LYST: variants seen among roughly 807,000 people sequenced by gnomAD.
LYST encodes lysosomal trafficking regulator, also known as lysosomal-trafficking regulator.
LYST carries 192 observed loss-of-function variants against 413.6 expected under a neutral mutation model. That is an observed-to-expected ratio of 0.46 (90% CI 0.41 to 0.52). The LOEUF is 0.52. LYST is among the 20% of genes least tolerant of loss of function. LYST has a pLI of 0.00. For synonymous variants in LYST, 1,525 were observed against 1,567.3 expected (o/e 0.97, Z 0.64); for missense variants, 3,815 against 4,499.9 (o/e 0.85, Z 4.35).
At position 235,662,096 on chromosome 1, in the gene LYST, T is replaced by C. The variant is rs1382141493; in HGVS notation, c.*844A>G. Reference sequence around the variant, plus strand: ...ATACCCATGCAAACTTCTTGCATACTGAAGGCTTTCTATTGCAAATTGGTA... The same window carrying C: ...ATACCCATGCAAACTTCTTGCATACCGAAGGCTTTCTATTGCAAATTGGTA... On this transcript the variant is annotated 3_prime_UTR_variant, in exon 53 of 53. Coordinates refer to ENST00000389793, the MANE Select transcript of LYST (RefSeq NM_000081.4). 2 of 152,254 alleles carry C rather than the reference T, an allele frequency of 1.3e-5. No homozygotes were observed. Among genetic ancestry groups the C allele is most frequent in the Non-Finnish European group, 2.9e-5 (2 of 68,044 alleles). 9.4% of individuals were successfully genotyped at this position (152,254 alleles called of 1,614,324 possible).
chr1:235,689,586 GT>G (rs34445424), intron 47 of LYST, among the ~76,000 whole-genome samples: 3,960 of 152,286 alleles, frequency 0.026, 93 homozygotes, highest in South Asian at 0.088. Flanking sequence ...GTAGAGGATG[GT>G]GACTACTGTT....
At chr1:235,712,393 T>C (rs928344442) in intron 42 of LYST, 196 bp from the exon 43 acceptor site, 2 of 514,616 alleles carry the variant, frequency 3.9e-6, no homozygotes, top group Middle Eastern at 5.6e-4. Flanking sequence ...ACATTTTTCA[T>C]CTGTATTATG....
chr1:235,774,302 T>C (rs1006460649), intron 18 of LYST, among the ~76,000 whole-genome samples: 2 of 152,302 alleles, frequency 1.3e-5, no homozygotes, highest in East Asian at 3.9e-4. Flanking sequence ...AAAAAAGTAG[T>C]AAGGATTCAT....
At chr1:235,826,374 A>G (rs888899037) in intron 3 of LYST, among the ~76,000 whole-genome samples, 4 of 152,246 alleles carry the variant, frequency 2.6e-5, no homozygotes, top group African/African-American at 7.2e-5. Flanking sequence ...ATACAGCTCA[A>G]AAGATTAAAC....
rs1272059165 is a variant in LYST at position 235,662,696 on chromosome 1, G to A, written c.*244C>T. ...AATATCATTTTAATGTACCATGCGA[G>A]GCTTAAAACTTGTTGGCTAGTGCAT... is the stretch of plus-strand genomic sequence containing the variant. On this transcript the variant is annotated 3_prime_UTR_variant, in exon 53 of 53. Transcript: ENST00000389793. The A allele has an allele frequency of 3.7e-6, 2 of 545,402 alleles. No individual in the cohort carries two copies. The highest frequency in any genetic ancestry group is 5.9e-5 in the Admixed American group (2 of 33,640). The allele number at this position is 545,402 out of a possible 1,614,324, so 33.8% of individuals were successfully genotyped here. A position where few individuals can be genotyped will look rare whatever the true frequency, so the allele number is the denominator to read the frequency against.
chr1:235,733,586 G>T lies in LYST; in HGVS notation c.8718C>A (p.Ile2906=). 6 of 1,613,722 alleles carry T rather than the reference G, an allele frequency of 3.7e-6. No individual in the cohort carries two copies. Among genetic ancestry groups the T allele is most frequent in the Non-Finnish European group, 2.5e-6 (3 of 1,179,782 alleles). ...LSQGNERKKV[I]QHIRGMYKVD... ...CTTTATACATTCCTCTAATATGCTG[G>T]ATCACCTTTTTTCTCTCATTTCCTT... is the stretch of plus-strand genomic sequence containing the variant. Residue 2906 remains isoleucine, a synonymous_variant, in exon 34 of 53, where the codon ATC becomes ATA. Coordinates refer to ENST00000389793, the MANE Select transcript of LYST (RefSeq NM_000081.4).
intron 47 of LYST, among the ~76,000 whole-genome samples, chr1:235,687,365 G>T (rs1660303969): frequency 6.6e-6 from 1 of 152,148 alleles, no homozygotes; most frequent in Non-Finnish European, 1.5e-5. Flanking sequence ...ATTCAGGATT[G>T]ATTAAATCCA....
chr1:235,755,080 CAAAAAAAAAAAA>C lies in LYST; in HGVS notation c.7229+386_7229+397del, dbSNP rs763926458. 3.1e-4 allele frequency among the ~76,000 whole-genome samples: 9 copies of C among 29,008 alleles called. 1 individual carries two copies. In the East Asian group the frequency reaches 0.013, roughly 40 times the overall value. The allele number at this position is 29,008 out of a possible 152,430, so 19.0% of individuals were successfully genotyped here. On this transcript the variant is annotated intron_variant, in intron 25 of 52. Transcript: ENST00000389793. The stretch of plus-strand genomic sequence containing the variant: ...TGGGTGACAGAGTGAGACATTGTCT[CAAAAAAAAAAAA>C]AAAAAAAAAAAAAAAAGCCAGGCAT...
intron 50 of LYST, among the ~76,000 whole-genome samples, chr1:235,670,332 T>G (rs1489077114): frequency 6.6e-6 from 1 of 152,224 alleles, no homozygotes; most frequent in Admixed American, 6.5e-5. Context: ...GGTATGCTCT[T>G]GCAATCAGAC....
rs181846686 is a variant in LYST, at chr1:235,723,232, C to T, written c.9315+796G>A. On this transcript the variant is annotated intron_variant, in intron 39 of 52. Transcript: ENST00000389793. Reference sequence around the variant, plus strand: ...TAGAAGTTCAGTTTTGTACAGGTTACGTTTGAGATGTCAATTAGTGACTTC... The same window carrying T: ...TAGAAGTTCAGTTTTGTACAGGTTATGTTTGAGATGTCAATTAGTGACTTC... Among the ~76,000 whole-genome samples the T allele has an allele frequency of 1.2e-3, 177 of 152,224 alleles. 2 individuals are homozygous for T. Among genetic ancestry groups the T allele is most frequent in the African/African-American group, 4.1e-3 (169 of 41,540 alleles).
chr1:235,844,004 G>C (rs894402425), intron 1 of LYST, among the ~76,000 whole-genome samples: 1 of 152,162 alleles, frequency 6.6e-6, no homozygotes, highest in African/African-American at 2.4e-5. Context: ...TGCCAAAGAG[G>C]AGACTGTGAT....
Position 235,805,777 on chromosome 1 carries a change from C to T in LYST, c.3359G>A (p.Ser1120Asn), listed in dbSNP as rs143223086. ...TAACTCCAATTCCATCTTCTGTTGA[C>T]TAGTTCTGGCACCATGAAGACAAAT... ...LAICLHGART[S>N]QQKMELELPN... Residue 1120 changes from serine to asparagine, a missense_variant, in exon 6 of 53, where the codon AGT (serine) becomes AAT (asparagine). This residue lies in a region of LYST where 1,648 missense variants were observed against 1,810.3 expected (regional missense o/e 0.91). Coordinates refer to ENST00000389793, the MANE Select transcript of LYST (RefSeq NM_000081.4). 3 of 1,613,364 alleles carry T rather than the reference C, an allele frequency of 1.9e-6. No homozygotes were observed. The East Asian group carries it at 6.7e-5, about 36-fold the overall frequency.
intron 20 of LYST, among the ~76,000 whole-genome samples, chr1:235,766,917 CT>C (rs1298449990): frequency 6.6e-6 from 1 of 151,950 alleles, no homozygotes; most frequent in Non-Finnish European, 1.5e-5. Context: ...GTTTACAAAG[CT>C]TTTTTTCACA....
intron 18 of LYST, 44 bp from the exon 19 acceptor site, chr1:235,774,035 T>A: frequency 7.4e-7 from 1 of 1,354,624 alleles, no homozygotes; most frequent in Non-Finnish European, 1.1e-6. Flanking sequence ...AGTAATTGGT[T>A]AATCAGGAAG....
At chr1:235,771,917 G>GGTT (rs1553291134) in intron 19 of LYST, among the ~76,000 whole-genome samples, 61 of 72,716 alleles carry the variant, frequency 8.4e-4, no homozygotes, top group African/African-American at 3.3e-3. Flanking sequence ...TTTTTAGTTT[G>GGTT]TTTTTTTTTT....
intron 47 of LYST, among the ~76,000 whole-genome samples, chr1:235,691,514 C>T (rs1375378414): frequency 2.0e-5 from 3 of 152,080 alleles, no homozygotes; most frequent in Non-Finnish European, 2.9e-5. Context: ...GACCTAATGA[C>T]AAAGGTGAGT....
chr1:235,684,018 GA>G (rs1318287432), intron 48 of LYST, among the ~76,000 whole-genome samples: 1 of 151,946 alleles, frequency 6.6e-6, no homozygotes, highest in African/African-American at 2.4e-5. Context: ...TACTTAGGTG[GA>G]AAAAAAATCC....
chr1:235,809,182 G>A lies in LYST; in HGVS notation c.1636C>T (p.Arg546Trp), dbSNP rs542102013. 8.7e-6 allele frequency: 14 copies of A among 1,613,996 alleles called. No individual in the cohort carries two copies. The highest frequency in any genetic ancestry group is 1.7e-5 in the Admixed American group (1 of 59,986). Reference protein sequence around the residue: ...TADGDVYYPERCCCIAVCAHQ... With the variant: ...TADGDVYYPEWCCCIAVCAHQ... Reference sequence around the variant, plus strand: ...GCACACACTGCAATGCAACAGCACCGCTCAGGATAATAAACATCTCCATCT... The same window carrying A: ...GCACACACTGCAATGCAACAGCACCACTCAGGATAATAAACATCTCCATCT... Residue 546 changes from arginine (R) to tryptophan (W), a missense_variant, in exon 5 of 53, where the codon CGG (arginine) becomes TGG (tryptophan). Physicochemically the swap from Arg to Trp is moderately radical, Grantham distance 101 (BLOSUM62 -3). Coordinates refer to ENST00000389793, the MANE Select transcript of LYST (RefSeq NM_000081.4). The surrounding 1 kb of genome is among the most constrained non-coding windows in gnomAD (Gnocchi z 4.0).
At chr1:235,697,695 A>T (rs1011587348) in intron 45 of LYST, among the ~76,000 whole-genome samples, 3 of 152,246 alleles carry the variant, frequency 2.0e-5, no homozygotes, top group African/African-American at 7.2e-5. Flanking sequence ...TCACTCAGCT[A>T]TGAGCTCCTT....
Sources: allele counts gnomAD v4.1 joint callset (sites outside exome capture counted in the v4.1 genomes callset), GRCh38; gene constraint gnomAD v4.1.1; regional missense constraint gnomAD v4.1.1; non-coding constraint Gnocchi (gnomAD v3.1); transcripts MANE v1.5; gene names NCBI Gene and HGNC (gene_info 2026-07-23, HGNC 2026-07-21).